Variants in TRPC4 observed in about 807,000 individuals in gnomAD.
TRPC4 encodes transient receptor potential cation channel subfamily C member 4.
A neutral mutation model predicts 99.4 loss-of-function variants in TRPC4; 49 were observed. The observed-to-expected ratio is 0.49, with a 90% CI of 0.39 to 0.63. The LOEUF (loss-of-function observed/expected upper bound fraction) is 0.63. Among genes scored for constraint, TRPC4 ranks in the 20% least tolerant of loss-of-function variants. The pLI is 0.00. For missense variants in TRPC4, 898 were observed against 1,152.9 expected (o/e 0.78, Z 3.20); for synonymous variants, 454 against 425.9 (o/e 1.07, Z -0.81).
chr13:37,750,457 A>G (rs912386509), intron 2 of TRPC4, among the ~76,000 whole-genome samples: 1 of 151,148 alleles, frequency 6.6e-6, no homozygotes, highest in African/African-American at 2.4e-5. Flanking sequence ...TTTTTTATTT[A>G]TTATCAAAAA....
chr13:37,692,390 T>C, intron 3 of TRPC4, 55 bp from the exon 4 acceptor site: 1 of 1,400,584 alleles, frequency 7.1e-7, no homozygotes, highest in South Asian at 1.4e-5. Context: ...TGGAGTGGCC[T>C]CAATTCATCA....
At chr13:37,782,105 G>A (rs1956856452) in intron 2 of TRPC4, among the ~76,000 whole-genome samples, 1 of 151,980 alleles carries the variant, frequency 6.6e-6, no homozygotes, top group Non-Finnish European at 1.5e-5. Context: ...AATTAGCCTT[G>A]ATGCAAGGAA....
chr13:37,849,453 A>T (rs1400528952), intron 1 of TRPC4, among the ~76,000 whole-genome samples: 1 of 152,162 alleles, frequency 6.6e-6, no homozygotes, highest in East Asian at 1.9e-4. Context: ...AACAAAGTCA[A>T]AACCAAGTCA....
chr13:37,786,668 GCTCC>G (rs1412325958), intron 1 of TRPC4, among the ~76,000 whole-genome samples: 1 of 151,972 alleles, frequency 6.6e-6, no homozygotes, highest in Non-Finnish European at 1.5e-5. Flanking sequence ...ATAAAACATT[GCTCC>G]TGGTCCTCCA....
chr13:37,750,727 C>T (rs1486986001), intron 2 of TRPC4, among the ~76,000 whole-genome samples: 1 of 151,966 alleles, frequency 6.6e-6, no homozygotes, highest in Non-Finnish European at 1.5e-5. Context: ...TATACACGTG[C>T]CATGGTGGTT....
chr13:37,681,409 G>C (rs1953234517), intron 4 of TRPC4, among the ~76,000 whole-genome samples: 1 of 152,108 alleles, frequency 6.6e-6, no homozygotes, highest in Non-Finnish European at 1.5e-5. Flanking sequence ...CTATAGATAA[G>C]ATTGCCAATC....
chr13:37,752,205 G>T (rs1955953845), intron 2 of TRPC4, among the ~76,000 whole-genome samples: 1 of 150,166 alleles, frequency 6.7e-6, no homozygotes, highest in Admixed American at 6.6e-5. Flanking sequence ...ACAAGAATAC[G>T]GTACTGTGCA....
chr13:37,797,353 C>T (rs1957284247), intron 1 of TRPC4, among the ~76,000 whole-genome samples: 1 of 152,018 alleles, frequency 6.6e-6, no homozygotes, highest in Non-Finnish European at 1.5e-5. Context: ...GCTCATATGA[C>T]ATGTCGCAAT....
At chr13:37,764,813 C>CTTT (rs71096806) in intron 2 of TRPC4, among the ~76,000 whole-genome samples, 32 of 129,372 alleles carry the variant, frequency 2.5e-4, no homozygotes, top group Middle Eastern at 4.1e-3. Context: ...TTATCAAATG[C>CTTT]TTTTTTTTTT....
chr13:37,731,097 C>T (rs536798067), intron 3 of TRPC4, among the ~76,000 whole-genome samples: 134 of 152,004 alleles, frequency 8.8e-4, no homozygotes, highest in Non-Finnish European at 1.4e-3. Flanking sequence ...TGAGATAATA[C>T]ACAACATGTT....
Position 37,848,346 on chromosome 13 carries a change from C to T in TRPC4, c.-28+21249G>A, listed in dbSNP as rs145226394. ...AAAATGTACAGTATATCTTTTTGTC[C>T]ATCAAAAAACTTTAATATAAAAACC... On this transcript the variant is annotated intron_variant, in intron 1 of 10. Transcript: ENST00000379705. Among the ~76,000 whole-genome samples the T allele has an allele frequency of 1.7e-4, 26 of 151,830 alleles. No homozygotes were observed. The East Asian group carries it at 4.8e-3, about 28-fold the overall frequency.
At position 37,674,255 on chromosome 13, in the gene TRPC4, G is replaced by T. The variant is rs1369789618; in HGVS notation, c.1347C>A (p.Ile449=). 4 of 1,591,640 alleles carry T rather than the reference G, an allele frequency of 2.5e-6. No individual in the cohort carries two copies. Among genetic ancestry groups the T allele is most frequent in the Non-Finnish European group, 3.4e-6 (4 of 1,171,580 alleles). The change falls in exon 5 of 11, where the codon ATC becomes ATA. Residue 449 remains isoleucine (I), a synonymous_variant. Transcript: ENST00000379705. ...FVMNSLYLAT[I]SLKIVAFVKY... is the part of the protein sequence containing the mutation. ...TTACAAATGCAACAATTTTCAAGGAGATTGTTGCTAAATATAAGGAGTTCA... is the reference window on the plus strand; with the variant it reads ...TTACAAATGCAACAATTTTCAAGGATATTGTTGCTAAATATAAGGAGTTCA...
chr13:37,723,748 T>C (rs1287413445), intron 3 of TRPC4, among the ~76,000 whole-genome samples: 1 of 152,014 alleles, frequency 6.6e-6, no homozygotes, highest in Non-Finnish European at 1.5e-5. Flanking sequence ...GAAGATGAGG[T>C]CTTGCTGTGT....
At chr13:37,708,613 C>A (rs939106298) in intron 3 of TRPC4, among the ~76,000 whole-genome samples, 3 of 150,802 alleles carry the variant, frequency 2.0e-5, no homozygotes, top group African/African-American at 7.3e-5. Flanking sequence ...TCATATCTAC[C>A]CTTAGAATTT....
At chr13:37,706,472 A>G (rs1954281157) in intron 3 of TRPC4, among the ~76,000 whole-genome samples, 1 of 152,014 alleles carries the variant, frequency 6.6e-6, no homozygotes, top group South Asian at 2.1e-4. Context: ...CAGTGCTTAG[A>G]AGCTATTCTT....
intron 3 of TRPC4, among the ~76,000 whole-genome samples, chr13:37,703,962 G>A (rs978755246): frequency 2.6e-5 from 4 of 152,054 alleles, no homozygotes; most frequent in African/African-American, 9.7e-5. Flanking sequence ...CAAGCCAAAT[G>A]TCCACCAACC....
At chr13:37,792,572 G>C (rs1452188220) in intron 1 of TRPC4, among the ~76,000 whole-genome samples, 2 of 151,976 alleles carry the variant, frequency 1.3e-5, no homozygotes, top group Non-Finnish European at 2.9e-5. Flanking sequence ...GGTGAGGGTG[G>C]CAATACATTT....
At chr13:37,772,334 G>C (rs1038878546) in intron 2 of TRPC4, among the ~76,000 whole-genome samples, 3 of 151,690 alleles carry the variant, frequency 2.0e-5, no homozygotes, top group Non-Finnish European at 4.4e-5. Flanking sequence ...TTGGGGGAAA[G>C]CATGCCCAAG....
At chr13:37,722,509 G>T (rs1313791875) in intron 3 of TRPC4, among the ~76,000 whole-genome samples, 1 of 152,048 alleles carries the variant, frequency 6.6e-6, no homozygotes, top group Non-Finnish European at 1.5e-5. Flanking sequence ...GTTGTTGAAT[G>T]GTCAGTCTTT....
Sources: allele counts gnomAD v4.1 joint callset (sites outside exome capture counted in the v4.1 genomes callset), GRCh38; gene constraint gnomAD v4.1.1; transcripts MANE v1.5; gene names NCBI Gene and HGNC (gene_info 2026-07-23, HGNC 2026-07-21).